The following PPP1R12A variants were observed in gnomAD, a reference collection of about 807,000 sequenced individuals.
PPP1R12A encodes myosin binding subunit.
Under a neutral mutation model 139.6 loss-of-function variants are expected in PPP1R12A, and 19 were observed. The ratio of observed to expected loss-of-function variants is 0.14; its 90% CI spans 0.09 to 0.20. PPP1R12A has a LOEUF of 0.20. PPP1R12A is among the 10% of genes least tolerant of loss of function. The pLI, the probability that PPP1R12A is intolerant of heterozygous loss-of-function variation, is 1.00. For synonymous variants in PPP1R12A, 427 were observed against 420.6 expected, an observed-to-expected ratio of 1.02 and a Z score of -0.19; for missense variants, 925 against 1,211.5, an observed-to-expected ratio of 0.76 and a Z score of 3.51.
chr12:79,892,605 A>C (rs1884758538), intron 1 of PPP1R12A, among the ~76,000 whole-genome samples: 1 of 152,160 alleles, frequency 6.6e-6, no homozygotes, highest in Non-Finnish European at 1.5e-5. Context: ...TTTATATTTA[A>C]AGTTTTAACA....
At chr12:79,898,785 G>A (rs905819923) in intron 1 of PPP1R12A, among the ~76,000 whole-genome samples, 2 of 151,832 alleles carry the variant, frequency 1.3e-5, no homozygotes, top group Non-Finnish European at 2.9e-5. Context: ...ATGCCTTTCC[G>A]ACATCTCTGC....
At chr12:79,906,254 G>GTTAA (rs1886101520) in intron 1 of PPP1R12A, among the ~76,000 whole-genome samples, 1 of 151,732 alleles carries the variant, frequency 6.6e-6, no homozygotes, top group African/African-American at 2.4e-5. Context: ...TCAGCTATAT[G>GTTAA]ATAAGTGGGA....
chr12:79,891,106 AG>A (rs775913524), intron 1 of PPP1R12A, among the ~76,000 whole-genome samples: 4 of 152,176 alleles, frequency 2.6e-5, no homozygotes, highest in Admixed American at 6.5e-5. Flanking sequence ...TCAGAAAGAA[AG>A]AGCAAAGATA....
In PPP1R12A at chr12:79,851,172, G is replaced by A. The variant is rs558759761; in HGVS notation, c.369-5752C>T. ...AAAATTACTCAAAGCCATCCTAGGA[G>A]AAATTATGAAAATTAAACTATCTGA... is the stretch of plus-strand genomic sequence containing the variant. On this transcript the variant is annotated intron_variant, in intron 2 of 24. Coordinates refer to ENST00000450142, the MANE Select transcript of PPP1R12A (RefSeq NM_002480.3). Among the ~76,000 whole-genome samples, 3 of 152,204 alleles carry A rather than the reference G, an allele frequency of 2.0e-5. No homozygotes were observed. In the South Asian group the frequency reaches 6.2e-4, roughly 32 times the overall value.
chr12:79,927,898 T>C (rs1887965283), intron 1 of PPP1R12A, among the ~76,000 whole-genome samples: 1 of 152,334 alleles, frequency 6.6e-6, no homozygotes, highest in African/African-American at 2.4e-5. Flanking sequence ...CTCAACCTTA[T>C]TGTGGAGCCC....
intron 1 of PPP1R12A, among the ~76,000 whole-genome samples, chr12:79,918,382 G>C (rs1286742304): frequency 6.6e-6 from 1 of 152,124 alleles, no homozygotes; most frequent in Non-Finnish European, 1.5e-5. Context: ...ATAGCCTATA[G>C]TGTACATTTT....
At chr12:79,893,753 G>A (rs1884879039) in intron 1 of PPP1R12A, among the ~76,000 whole-genome samples, 1 of 152,074 alleles carries the variant, frequency 6.6e-6, no homozygotes, top group Non-Finnish European at 1.5e-5. Context: ...ATGTGTAATT[G>A]ATACTAAAAA....
At chr12:79,922,089 A>G (rs1887481936) in intron 1 of PPP1R12A, among the ~76,000 whole-genome samples, 1 of 152,100 alleles carries the variant, frequency 6.6e-6, no homozygotes, top group Non-Finnish European at 1.5e-5. Context: ...TGTCTCTACT[A>G]CTAATAATAA....
chr12:79,933,094 C>T (rs377755943), intron 1 of PPP1R12A, among the ~76,000 whole-genome samples: 2 of 152,064 alleles, frequency 1.3e-5, no homozygotes, highest in African/African-American at 2.4e-5. Context: ...TAAAATTTTA[C>T]GAGTTATGAT....
chr12:79,889,203 A>G (rs1371463654), intron 1 of PPP1R12A, among the ~76,000 whole-genome samples: 1 of 152,232 alleles, frequency 6.6e-6, no homozygotes, highest in Non-Finnish European at 1.5e-5. Context: ...GATTATCTCT[A>G]AAAAGATACA....
intron 1 of PPP1R12A, among the ~76,000 whole-genome samples, chr12:79,894,444 T>G (rs556549670): frequency 6.6e-6 from 1 of 152,238 alleles, no homozygotes; most frequent in East Asian, 1.9e-4. Context: ...GGCTTTGGGA[T>G]TCCCATGGAT....
chr12:79,835,660 T>C (rs566177545), intron 3 of PPP1R12A, among the ~76,000 whole-genome samples: 3 of 152,342 alleles, frequency 2.0e-5, no homozygotes, highest in South Asian at 4.1e-4. Flanking sequence ...CATGATGTCA[T>C]TGCTTTATAT....
chr12:79,867,979 C>T (rs540977675), intron 2 of PPP1R12A, among the ~76,000 whole-genome samples: 4 of 152,124 alleles, frequency 2.6e-5, no homozygotes, highest in Admixed American at 2.6e-4. Context: ...TTATAAATTA[C>T]CCAGTCTTGA....
chr12:79,857,011 T>C (rs1216438704), intron 2 of PPP1R12A, among the ~76,000 whole-genome samples: 1 of 152,228 alleles, frequency 6.6e-6, no homozygotes, highest in African/African-American at 2.4e-5. Context: ...ATGACATGAC[T>C]TTCCTCAGGC....
At chr12:79,808,292 T>A (rs1874107651) in intron 11 of PPP1R12A, among the ~76,000 whole-genome samples, 191 bp downstream of exon 11, 1 of 152,166 alleles carries the variant, frequency 6.6e-6, no homozygotes, top group African/African-American at 2.4e-5. Context: ...TCTTCTTTGC[T>A]ATTATTTCAT....
chr12:79,818,129 A>C (rs1364069639), intron 8 of PPP1R12A, among the ~76,000 whole-genome samples: 1 of 152,234 alleles, frequency 6.6e-6, no homozygotes, highest in African/African-American at 2.4e-5. Context: ...CCATTCTTCA[A>C]GTAGTGCCCT....
At chr12:79,842,422 T>C (rs549279523) in intron 3 of PPP1R12A, among the ~76,000 whole-genome samples, 1 of 152,358 alleles carries the variant, frequency 6.6e-6, no homozygotes, top group South Asian at 2.1e-4. Flanking sequence ...CCTTAGTTTC[T>C]ATTTTCTGAT....
At chr12:79,867,781 T>C (rs2137312057) in intron 2 of PPP1R12A, among the ~76,000 whole-genome samples, 1 of 152,260 alleles carries the variant, frequency 6.6e-6, no homozygotes, top group Non-Finnish European at 1.5e-5. Flanking sequence ...TATGCTTCTG[T>C]TCTTGTGACA....
chr12:79,780,313 T>C (rs1462944220), intron 23 of PPP1R12A: 2 of 152,006 alleles, frequency 1.3e-5, no homozygotes, highest in East Asian at 3.9e-4. Flanking sequence ...ATACAGAGAA[T>C]GATGAATAAA....
Sources: allele counts gnomAD v4.1 joint callset (sites outside exome capture counted in the v4.1 genomes callset), GRCh38; gene constraint gnomAD v4.1.1; transcripts MANE v1.5; gene names NCBI Gene and HGNC (gene_info 2026-07-23, HGNC 2026-07-21).